NCBP3: variants seen among roughly 807,000 people sequenced by gnomAD.
NCBP3 encodes the protein nuclear cap-binding protein subunit 3.
Under a neutral mutation model 75.7 loss-of-function variants are expected in NCBP3, and 20 were observed. The observed-to-expected ratio is 0.26, with a 90% CI of 0.19 to 0.38. NCBP3 has a LOEUF of 0.38. Among genes scored for constraint, NCBP3 ranks in the 10% least tolerant of loss-of-function variants. The pLI is 1.00. For synonymous variants in NCBP3, 293 were observed against 290.5 expected (o/e 1.01, Z -0.09); for missense variants, 678 against 796.9 (o/e 0.85, Z 1.80).
chr17:3,830,407 T>TA (rs2143685354), intron 3 of NCBP3, among the ~76,000 whole-genome samples: 2 of 152,264 alleles, frequency 1.3e-5, no homozygotes, highest in South Asian at 4.1e-4. Context: ...AAACAAGTTG[T>TA]AAAAAATTAC....
At chr17:3,821,847 T>C (rs756304504) in intron 8 of NCBP3, 106 bp downstream of exon 8, 44 of 711,754 alleles carry the variant, frequency 6.2e-5, no homozygotes, top group Non-Finnish European at 8.7e-5. Context: ...TCTTCCCTCT[T>C]GTTTTCCTTC....
intron 4 of NCBP3, among the ~76,000 whole-genome samples, chr17:3,826,558 G>A (rs2053787443): frequency 6.6e-6 from 1 of 152,024 alleles, no homozygotes; most frequent in South Asian, 2.1e-4. Flanking sequence ...TTGAGCCTAG[G>A]ATATTGAGGC....
chr17:3,833,571 C>T (rs115714163), intron 3 of NCBP3, among the ~76,000 whole-genome samples: 2,309 of 151,950 alleles, frequency 0.015, 59 homozygotes, highest in African/African-American at 0.053. Context: ...CCTTGGGAGG[C>T]CGAGATGAGA....
intron 7 of NCBP3, 85 bp from the exon 8 acceptor site, chr17:3,822,137 T>C: frequency 1.1e-6 from 1 of 917,290 alleles, no homozygotes; most frequent in East Asian, 2.4e-5. Context: ...TTTCCATAGC[T>C]GGAATCAGAT....
At chr17:3,819,853 C>T (rs1448646856) in intron 9 of NCBP3, among the ~76,000 whole-genome samples, 1 of 152,074 alleles carries the variant, frequency 6.6e-6, no homozygotes, top group Non-Finnish European at 1.5e-5. Context: ...GGGCAATTTG[C>T]TTTTTAATTT....
At position 3,842,284 on chromosome 17, in the gene NCBP3, G is replaced by A. The variant is rs557334143; in HGVS notation, c.249+802C>T. On this transcript the variant is annotated intron_variant, in intron 2 of 12. Coordinates refer to ENST00000389005, the MANE Select transcript of NCBP3 (RefSeq NM_001114118.3). ...TACTAAAATTACAAAAATTAGCCAG[G>A]CGTGGTGGCGGGCGCCTGTAGTCCT... Among the ~76,000 whole-genome samples the A allele has an allele frequency of 2.0e-4, 30 of 152,100 alleles. No homozygotes were observed. In the East Asian group the frequency reaches 2.5e-3, roughly 13 times the overall value.
chr17:3,842,053 G>A (rs2054073903), intron 2 of NCBP3, among the ~76,000 whole-genome samples: 1 of 152,048 alleles, frequency 6.6e-6, no homozygotes, highest in Admixed American at 6.6e-5. Context: ...GAAAATAATA[G>A]GCTTGACTCT....
intron 10 of NCBP3, among the ~76,000 whole-genome samples, chr17:3,817,929 T>A (rs997540928): frequency 6.6e-6 from 1 of 151,998 alleles, no homozygotes; most frequent in African/African-American, 2.4e-5. Flanking sequence ...AAAAGTATAC[T>A]TTTATACAAA....
At chr17:3,815,960 C>A (rs1471626635) in intron 11 of NCBP3, among the ~76,000 whole-genome samples, 156 bp downstream of exon 11, 1 of 152,134 alleles carries the variant, frequency 6.6e-6, no homozygotes, top group African/African-American at 2.4e-5. Flanking sequence ...TTTTTCATTT[C>A]CTCAATTTCC....
chr17:3,832,183 C>CA (rs754603661), intron 3 of NCBP3, among the ~76,000 whole-genome samples: 752 of 29,658 alleles, frequency 0.025, 38 homozygotes, highest in African/African-American at 0.043. Flanking sequence ...GACTCCGTCG[C>CA]AAAAAAAAAA....
chr17:3,818,615 T>G lies in NCBP3; in HGVS notation c.1001-43A>C, dbSNP rs761763811. On this transcript the variant is annotated intron_variant, in intron 9 of 12. Coordinates refer to ENST00000389005, the MANE Select transcript of NCBP3 (RefSeq NM_001114118.3). The surrounding 1 kb of genome is among the most constrained non-coding windows in gnomAD (Gnocchi z 4.7). ...GAAAACATTAGGAAAAGCACTAAAA[T>G]TAACAAGTATGATTTTCTACTCTAC... The G allele has an allele frequency of 6.4e-7, 1 of 1,555,206 alleles. No homozygotes were observed. The highest frequency in any genetic ancestry group is 1.9e-5 in the Admixed American group (1 of 52,244).
chr17:3,821,146 G>A (rs2053655180), intron 9 of NCBP3, 103 bp downstream of exon 9: 1 of 787,994 alleles, frequency 1.3e-6, no homozygotes, highest in South Asian at 1.5e-5. Flanking sequence ...GGGCAAGGAA[G>A]AGAGGATGAT....
intron 4 of NCBP3, 98 bp from the exon 5 acceptor site, chr17:3,826,313 G>A: frequency 8.7e-7 from 1 of 1,148,392 alleles, no homozygotes; most frequent in South Asian, 1.7e-5. Context: ...GCCTCATCTA[G>A]CAACAGATTA....
rs967712274 is a variant in NCBP3 at position 3,846,206 on chromosome 17, G to C, written c.18C>G (p.Gly6=). Residue 6 remains glycine, a synonymous_variant, in exon 1 of 13, where the codon GGC becomes GGG. Coordinates refer to ENST00000389005, the MANE Select transcript of NCBP3 (RefSeq NM_001114118.3). This position sits in a 1 kb window ranked among gnomAD's most constrained non-coding sequence, Gnocchi z 4.6. ...CCTCCGCCTTCACCGACACCCGCAG[G>C]CCCCGTACGGCCGCCATCGCTGCCT... is the stretch of plus-strand genomic sequence containing the variant. The part of the protein sequence containing the change: MAAVR[G]LRVSVKAEAP... The C allele has an allele frequency of 1.4e-6, 2 of 1,454,296 alleles. No individual in the cohort carries two copies. Among genetic ancestry groups the C allele is most frequent in the Middle Eastern group, 2.4e-4 (1 of 4,226 alleles). The allele number at this position is 1,454,296 out of a possible 1,614,324, so 90.1% of individuals were successfully genotyped here.
chr17:3,803,027 G>A lies in NCBP3; in HGVS notation c.*10017C>T, dbSNP rs1408846524. On this transcript the variant is annotated 3_prime_UTR_variant, in exon 13 of 13. Transcript: ENST00000389005. ...CAGGGGTCCGTAAAGCCCACCTGGC[G>A]GTAGCTGCTTTCCCCACAAACCCAA... The A allele has an allele frequency of 6.6e-6, 1 of 152,312 alleles. No homozygotes were observed. The highest frequency in any genetic ancestry group is 1.5e-5 in the Non-Finnish European group (1 of 68,140). The allele number at this position is 152,312 out of a possible 1,614,324, so 9.4% of individuals were successfully genotyped here.
intron 3 of NCBP3, among the ~76,000 whole-genome samples, chr17:3,830,818 C>T (rs1341851816): frequency 2.0e-5 from 3 of 151,998 alleles, no homozygotes; most frequent in East Asian, 3.9e-4. Context: ...CCCTTGCCCT[C>T]GTGATCCACC....
chr17:3,833,242 G>C (rs1487170396), intron 3 of NCBP3, among the ~76,000 whole-genome samples: 3 of 152,116 alleles, frequency 2.0e-5, no homozygotes, highest in Non-Finnish European at 4.4e-5. Flanking sequence ...AACAGAGTAA[G>C]ACTTTGTTTC....
chr17:3,821,581 C>A (rs1028773108), intron 8 of NCBP3, among the ~76,000 whole-genome samples: 1 of 152,116 alleles, frequency 6.6e-6, no homozygotes, highest in Non-Finnish European at 1.5e-5. Flanking sequence ...CACCACCATG[C>A]ATGGCTAATT....
chr17:3,820,344 C>T (rs2053638239), intron 9 of NCBP3, among the ~76,000 whole-genome samples: 1 of 152,180 alleles, frequency 6.6e-6, no homozygotes, highest in Non-Finnish European at 1.5e-5. Flanking sequence ...GTCCCCATTA[C>T]AATGATAAAT....
Sources: allele counts gnomAD v4.1 joint callset (sites outside exome capture counted in the v4.1 genomes callset), GRCh38; gene constraint gnomAD v4.1.1; non-coding constraint Gnocchi (gnomAD v3.1); transcripts MANE v1.5; gene names NCBI Gene and HGNC (gene_info 2026-07-23, HGNC 2026-07-21).